NAALADL2: variants seen among roughly 807,000 people sequenced by gnomAD.
NAALADL2 encodes the protein N-acetylated alpha-linked acidic dipeptidase like 2.
A neutral mutation model predicts 87.2 loss-of-function variants in NAALADL2; 76 were observed. The observed-to-expected ratio is 0.87, with a 90% CI of 0.72 to 1.05. NAALADL2 has a LOEUF of 1.05. Ranked by LOEUF, NAALADL2 falls within the 50% of genes least tolerant of loss-of-function variation. NAALADL2 has a pLI of 0.00. For synonymous variants in NAALADL2, 354 were observed against 331.0 expected (o/e 1.07, Z -0.75); for missense variants, 1,089 against 945.8 (o/e 1.15, Z -1.99).
At chr3:175,612,708 C>T (rs1213071158) in intron 10 of NAALADL2, among the ~76,000 whole-genome samples, 1 of 152,074 alleles carries the variant, frequency 6.6e-6, no homozygotes, top group African/African-American at 2.4e-5. Context: ...GTTAAATTGA[C>T]TTGAGGCTTT....
At chr3:174,885,103 C>T (rs1205909025) in intron 1 of NAALADL2, among the ~76,000 whole-genome samples, 1 of 152,130 alleles carries the variant, frequency 6.6e-6, no homozygotes, top group Non-Finnish European at 1.5e-5. Flanking sequence ...CAGTTTACAA[C>T]CTCAGTGTCC....
chr3:175,743,018 G>A (rs1388946984), intron 12 of NAALADL2, among the ~76,000 whole-genome samples: 3 of 150,164 alleles, frequency 2.0e-5, no homozygotes, highest in African/African-American at 7.4e-5. Flanking sequence ...TTTTTCAGAC[G>A]GAGTTTCATT....
At chr3:174,910,361 T>A (rs1457013808) in intron 1 of NAALADL2, among the ~76,000 whole-genome samples, 1 of 152,104 alleles carries the variant, frequency 6.6e-6, no homozygotes, top group African/African-American at 2.4e-5. Flanking sequence ...CATAGAAATT[T>A]GTTATCCTTT....
chr3:175,218,063 G>A, intron 2 of NAALADL2: 2 of 416,320 alleles, frequency 4.8e-6, no homozygotes, highest in Non-Finnish European at 9.5e-6. Flanking sequence ...TTTTTTTTTG[G>A]CTAAATTTTT....
chr3:175,681,117 A>C (rs541708305), intron 11 of NAALADL2, among the ~76,000 whole-genome samples: 1 of 152,200 alleles, frequency 6.6e-6, no homozygotes, highest in Non-Finnish European at 1.5e-5. Context: ...GTCTCAAAAC[A>C]AAACAAAACA....
In NAALADL2 at chr3:174,750,216, C is replaced by T. The variant is rs1734686306; in HGVS notation, c.-9+12470C>T. The stretch of plus-strand genomic sequence containing the variant: ...TATTTATAAAAGATAAGAATGGGCA[C>T]TATATAGCAGTAAGAGATCTTTAGC... On this transcript the variant is annotated intron_variant, in intron 3 of 3. Coordinates refer to the NAALADL2 transcript ENST00000434257. Among the ~76,000 whole-genome samples, 18 of 152,260 alleles carry T rather than the reference C, an allele frequency of 1.2e-4. No homozygotes were observed. In the South Asian group the frequency reaches 3.5e-3, roughly 30 times the overall value.
chr3:175,001,558 T>C (rs1398023063), intron 1 of NAALADL2, among the ~76,000 whole-genome samples: 1 of 152,174 alleles, frequency 6.6e-6, no homozygotes, highest in Non-Finnish European at 1.5e-5. Flanking sequence ...GTTATTTCAT[T>C]CTTTTGGGAG....
At chr3:175,536,227 A>G (rs1351227551) in intron 9 of NAALADL2, among the ~76,000 whole-genome samples, 1 of 152,198 alleles carries the variant, frequency 6.6e-6, no homozygotes, top group African/African-American at 2.4e-5. Flanking sequence ...ATCAATAAAT[A>G]CTACTTTCTG....
intron 1 of NAALADL2, among the ~76,000 whole-genome samples, chr3:174,545,076 G>C (rs979128771): frequency 1.3e-5 from 2 of 151,918 alleles, no homozygotes; most frequent in East Asian, 3.9e-4. Context: ...ACAAGGTCTT[G>C]CCATGTTGTC....
chr3:174,883,268 G>T (rs1429700802), intron 1 of NAALADL2, among the ~76,000 whole-genome samples: 1 of 152,058 alleles, frequency 6.6e-6, no homozygotes, highest in African/African-American at 2.4e-5. Flanking sequence ...CACACCAGGA[G>T]CAATGCTTTG....
intron 2 of NAALADL2, among the ~76,000 whole-genome samples, chr3:175,180,377 C>T (rs909205245): frequency 9.9e-5 from 15 of 151,916 alleles, no homozygotes; most frequent in Middle Eastern, 3.4e-3. Context: ...ACTGTAAACC[C>T]AACACCACCT....
intron 2 of NAALADL2, among the ~76,000 whole-genome samples, chr3:174,555,186 A>C (rs1406153886): frequency 6.6e-6 from 1 of 152,216 alleles, no homozygotes. Context: ...TGCAAGTTTC[A>C]TGGCTGATAC....
intron 2 of NAALADL2, among the ~76,000 whole-genome samples, chr3:174,721,980 C>A (rs1489756359): frequency 6.6e-6 from 1 of 152,174 alleles, no homozygotes; most frequent in African/African-American, 2.4e-5. Flanking sequence ...CATCAACAAT[C>A]CTGAAAAATG....
At chr3:175,207,897 A>C (rs909880187) in intron 2 of NAALADL2, among the ~76,000 whole-genome samples, 23 of 152,282 alleles carry the variant, frequency 1.5e-4, no homozygotes, top group African/African-American at 5.1e-4. Flanking sequence ...AAAGAAACTG[A>C]TTAGGCCACT....
At chr3:175,189,309 A>T (rs373627150) in intron 2 of NAALADL2, among the ~76,000 whole-genome samples, 2 of 152,350 alleles carry the variant, frequency 1.3e-5, no homozygotes, top group African/African-American at 4.8e-5. Context: ...TTTACACATG[A>T]CACAATCCCC....
intron 1 of NAALADL2, among the ~76,000 whole-genome samples, chr3:175,018,860 G>A (rs903421331): frequency 1.3e-5 from 2 of 151,142 alleles, no homozygotes; most frequent in East Asian, 3.9e-4. Context: ...GCTTTACTGT[G>A]ACATAGAAAA....
intron 1 of NAALADL2, among the ~76,000 whole-genome samples, chr3:174,441,897 A>G (rs1008183551): frequency 3.9e-5 from 6 of 151,994 alleles, no homozygotes; most frequent in Non-Finnish European, 8.8e-5. Flanking sequence ...AGTGTAAAGG[A>G]TTAATTAACT....
Position 174,691,023 on chromosome 3 carries a change from C to A in NAALADL2, c.-114-46618C>A, listed in dbSNP as rs545530981. On this transcript the variant is annotated intron_variant, in intron 2 of 3. Transcript: ENST00000434257. ...TTCCATGAATTTTCTGCCTTCCCAA[C>A]GCATATAAAAGTTATGTTATGCTAT... Among the ~76,000 whole-genome samples, 5 of 152,110 alleles carry A rather than the reference C, an allele frequency of 3.3e-5. No homozygotes were observed. The East Asian group carries it at 9.6e-4, about 29-fold the overall frequency.
intron 11 of NAALADL2, among the ~76,000 whole-genome samples, chr3:175,667,760 T>TTC (rs1360606435): frequency 6.6e-6 from 1 of 151,424 alleles, no homozygotes; most frequent in Non-Finnish European, 1.5e-5. Context: ...TTTTTTTTTT[T>TTC]TCTGTAACAG....
Sources: gnomAD v4.1 joint callset for allele counts (sites outside exome capture counted in the v4.1 genomes callset) on GRCh38, gnomAD v4.1.1 for gene constraint, MANE v1.5 for transcripts, NCBI Gene and HGNC (gene_info 2026-07-23, HGNC 2026-07-21) for gene names.